PPP2CB: variants seen among roughly 807,000 people sequenced by gnomAD.
The protein encoded by PPP2CB is protein phosphatase 2 catalytic subunit beta.
Under a neutral mutation model 39.1 loss-of-function variants are expected in PPP2CB, and 18 were observed. That is an observed-to-expected ratio of 0.46 (90% CI 0.32 to 0.68). The LOEUF is 0.68. Among genes scored for constraint, PPP2CB ranks in the 30% least tolerant of loss-of-function variants. The pLI is 0.04. For missense variants in PPP2CB, 226 were observed against 396.9 expected (o/e 0.57, Z 3.66); for synonymous variants, 129 against 133.8 (o/e 0.96, Z 0.25).
chr8:30,807,400 T>C (rs534424639), intron 1 of PPP2CB, among the ~76,000 whole-genome samples: 3 of 152,368 alleles, frequency 2.0e-5, no homozygotes, highest in African/African-American at 7.2e-5. Context: ...GGAACAAGCA[T>C]ACTATTTCAC....
At chr8:30,803,781 T>C (rs1309309258) in intron 1 of PPP2CB, among the ~76,000 whole-genome samples, 2 of 121,262 alleles carry the variant, frequency 1.6e-5, no homozygotes, top group East Asian at 4.0e-4. Context: ...ATGGCTAACT[T>C]TTGGAGAATT....
intron 6 of PPP2CB, among the ~76,000 whole-genome samples, chr8:30,788,539 A>G (rs534860697): frequency 6.6e-6 from 1 of 152,342 alleles, no homozygotes; most frequent in Non-Finnish European, 1.5e-5. Context: ...TGTGAGCCAC[A>G]GCATCCAGCC....
rs1394120317 is a variant in PPP2CB at position 30,812,807 on chromosome 8, TC to T, written c.-387del. 2.2e-6 allele frequency: 1 copy of T among 460,288 alleles called. No individual in the cohort carries two copies. The highest frequency in any genetic ancestry group is 6.9e-5 in the East Asian group (1 of 14,546). 28.5% of individuals were successfully genotyped at this position (460,288 alleles called of 1,614,324 possible). ...CTACCGGCCTCTCCCGACTTGTCTT[TC>T]CCCTTCTCTCGCTCTTTCTCTCCCC... On this transcript the variant is annotated 5_prime_UTR_variant, in exon 1 of 7. Transcript: ENST00000221138.
chr8:30,802,076 G>A (rs1806636114), intron 1 of PPP2CB, among the ~76,000 whole-genome samples: 1 of 152,078 alleles, frequency 6.6e-6, no homozygotes, highest in Non-Finnish European at 1.5e-5. Context: ...TGCCTTTTCT[G>A]CTTATAGCCT....
rs190732119 is a variant in PPP2CB at position 30,789,465 on chromosome 8, C to T, written c.857+1732G>A. 5.8e-4 allele frequency among the ~76,000 whole-genome samples: 89 copies of T among 152,320 alleles called. 1 individual carries two copies. Among genetic ancestry groups the T allele is most frequent in the African/African-American group, 1.9e-3 (79 of 41,574 alleles). ...ATCTTAAAGCTCACCCTAATGGCCACCGGAAATGTTATGTGACTTGCAGAT... is the reference window on the plus strand; with the variant it reads ...ATCTTAAAGCTCACCCTAATGGCCATCGGAAATGTTATGTGACTTGCAGAT... On this transcript the variant is annotated intron_variant, in intron 6 of 6. Transcript: ENST00000221138.
intron 5 of PPP2CB, 112 bp from the exon 6 acceptor site, chr8:30,791,427 T>A: frequency 1.3e-6 from 1 of 751,334 alleles, no homozygotes; most frequent in Non-Finnish European, 2.3e-6. Context: ...GGAAATGTAG[T>A]CGTCTATATT....
intron 3 of PPP2CB, among the ~76,000 whole-genome samples, chr8:30,795,208 CG>C (rs1806502262): frequency 6.6e-6 from 1 of 151,298 alleles, no homozygotes; most frequent in Non-Finnish European, 1.5e-5. Context: ...CTCCGCCTTC[CG>C]GGTTCAAGCA....
intron 5 of PPP2CB, chr8:30,793,358 C>T (rs1464743261): frequency 6.6e-6 from 1 of 152,286 alleles, no homozygotes; most frequent in East Asian, 1.9e-4. Context: ...CGACTATGCA[C>T]ATACAGTATG....
At chr8:30,799,302 T>G (rs568906849) in intron 2 of PPP2CB, among the ~76,000 whole-genome samples, 1 of 152,302 alleles carries the variant, frequency 6.6e-6, no homozygotes, top group African/African-American at 2.4e-5. Context: ...ATATAACGGA[T>G]AAGTGATAAA....
At chr8:30,806,357 AAT>A (rs1420320916) in intron 1 of PPP2CB, among the ~76,000 whole-genome samples, 1 of 151,998 alleles carries the variant, frequency 6.6e-6, no homozygotes, top group African/African-American at 2.4e-5. Flanking sequence ...CCCGGCCGTT[AAT>A]ATGATTATTA....
Position 30,791,216 on chromosome 8 carries a change from C to T in PPP2CB, c.838G>A (p.Asp280Asn), listed in dbSNP as rs1469203176. ...ACTCACAAGGAATATTTTAAAGTGT[C>T]ATCTAATTCCATGATAGCAGCCTGG... ...GNQAAIMELD[D>N]TLKYSFLQFD... Residue 280 changes from aspartate to asparagine, a missense_variant, in exon 6 of 7, where the codon GAC (aspartate) becomes AAC (asparagine). By Grantham distance (23) the Asp-to-Asn change is conservative (BLOSUM62 1). This residue lies in a region of PPP2CB where 56 missense variants were observed against 92.0 expected (regional missense o/e 0.61). Coordinates refer to ENST00000221138, the MANE Select transcript of PPP2CB (RefSeq NM_001009552.2). The T allele has an allele frequency of 3.1e-6, 5 of 1,605,914 alleles. No homozygotes were observed. The highest frequency in any genetic ancestry group is 1.3e-5 in the African/African-American group (1 of 74,520).
chr8:30,791,388 T>G (rs1048880667), intron 5 of PPP2CB, 73 bp from the exon 6 acceptor site: 2 of 1,147,088 alleles, frequency 1.7e-6, no homozygotes, highest in Admixed American at 2.1e-5. Flanking sequence ...TAAAAAAAAC[T>G]AAACTCAAAA....
At chr8:30,803,076 C>A (rs6990859) in intron 1 of PPP2CB, among the ~76,000 whole-genome samples, 3,504 of 152,242 alleles carry the variant, frequency 0.023, 132 homozygotes, top group African/African-American at 0.079. Context: ...AAATCTCTTT[C>A]TGTATTTGTC....
chr8:30,804,561 C>T (rs766793086), intron 1 of PPP2CB, among the ~76,000 whole-genome samples: 2 of 152,182 alleles, frequency 1.3e-5, no homozygotes, highest in Non-Finnish European at 2.9e-5. Context: ...CTGTAATAAA[C>T]CATAATCATC....
intron 1 of PPP2CB, among the ~76,000 whole-genome samples, chr8:30,808,457 T>C (rs529141961): frequency 6.6e-6 from 1 of 152,192 alleles, no homozygotes; most frequent in South Asian, 2.1e-4. Context: ...AAAACCACCA[T>C]CATACGATGT....
chr8:30,799,788 T>G, intron 1 of PPP2CB, 33 bp from the exon 2 acceptor site: 2 of 1,582,588 alleles, frequency 1.3e-6, no homozygotes, highest in Non-Finnish European at 1.7e-6. Flanking sequence ...AATTACAAAG[T>G]TAAAACTATC....
At chr8:30,799,380 C>A (rs1489749368) in intron 2 of PPP2CB, among the ~76,000 whole-genome samples, 166 bp downstream of exon 2, 1 of 152,116 alleles carries the variant, frequency 6.6e-6, no homozygotes. Flanking sequence ...CGGGAATACA[C>A]AGAAGTTATC....
intron 1 of PPP2CB, among the ~76,000 whole-genome samples, chr8:30,799,964 T>C (rs191986962): frequency 6.6e-6 from 1 of 152,194 alleles, no homozygotes; most frequent in African/African-American, 2.4e-5. Context: ...GGAACCCTCA[T>C]ACACTGCTGG....
At chr8:30,791,466 T>C (rs1233439268) in intron 5 of PPP2CB, 151 bp from the exon 6 acceptor site, 3 of 609,966 alleles carry the variant, frequency 4.9e-6, no homozygotes, top group Middle Eastern at 4.4e-4. Context: ...CTTTAATAGT[T>C]TGTGTACCTG....
Sources: gnomAD v4.1 joint callset for allele counts (sites outside exome capture counted in the v4.1 genomes callset) on GRCh38, gnomAD v4.1.1 for gene constraint, gnomAD v4.1.1 regional missense constraint, MANE v1.5 for transcripts, NCBI Gene and HGNC (gene_info 2026-07-23, HGNC 2026-07-21) for gene names.